JMJD1C: variants seen among roughly 807,000 people sequenced by gnomAD.
The protein encoded by JMJD1C is jumonji domain-containing protein 1C.
Under a neutral mutation model 245.3 loss-of-function variants are expected in JMJD1C, and 31 were observed. The observed-to-expected ratio is 0.13, with a 90% CI of 0.09 to 0.17. The LOEUF is 0.17. Among genes scored for constraint, JMJD1C ranks in the 10% least tolerant of loss-of-function variants. The pLI, the probability that JMJD1C is intolerant of heterozygous loss-of-function variation, is 1.00. For missense variants in JMJD1C, 2,691 were observed against 3,000.2 expected, an observed-to-expected ratio of 0.90 and a Z score of 2.41; for synonymous variants, 1,057 against 1,017.4, an observed-to-expected ratio of 1.04 and a Z score of -0.74.
chr10:63,300,665 T>G (rs1859973408), intron 2 of JMJD1C, among the ~76,000 whole-genome samples: 1 of 151,312 alleles, frequency 6.6e-6, no homozygotes, highest in African/African-American at 2.4e-5. Flanking sequence ...GCCAAGGCGG[T>G]AGATCTCATG....
At chr10:63,317,552 C>CAA (rs1940247146) in intron 2 of JMJD1C, among the ~76,000 whole-genome samples, 1 of 152,128 alleles carries the variant, frequency 6.6e-6, no homozygotes. Flanking sequence ...CACACACACA[C>CAA]AATCATTCCC....
chr10:63,292,144 A>AGTTTTTTTTTTTTTTTTTTTT (rs1858835101), intron 2 of JMJD1C, among the ~76,000 whole-genome samples: 1 of 56,326 alleles, frequency 1.8e-5, no homozygotes, highest in East Asian at 5.7e-4. Flanking sequence ...GTAGAGACAG[A>AGTTTTTTTTTTTTTTTTTTTT]TTTTTTTTTT....
intron 2 of JMJD1C, among the ~76,000 whole-genome samples, chr10:63,339,443 C>T (rs1450731027): frequency 6.6e-6 from 1 of 152,086 alleles, no homozygotes; most frequent in Non-Finnish European, 1.5e-5. Flanking sequence ...ACATTGCAGG[C>T]TGAGATAATG....
intron 1 of JMJD1C, among the ~76,000 whole-genome samples, chr10:63,493,534 G>A (rs1954249259): frequency 1.3e-5 from 2 of 151,938 alleles, no homozygotes; most frequent in Non-Finnish European, 2.9e-5. Context: ...CGCCTGACTT[G>A]GCCTCCCAAA....
intron 2 of JMJD1C, among the ~76,000 whole-genome samples, chr10:63,348,840 C>T (rs1191974435): frequency 6.6e-6 from 1 of 152,080 alleles, no homozygotes; most frequent in Non-Finnish European, 1.5e-5. Flanking sequence ...GTGGCTCATG[C>T]CTGTAATCCC....
At chr10:63,230,142 G>A (rs1244147635) in intron 3 of JMJD1C, among the ~76,000 whole-genome samples, 1 of 152,208 alleles carries the variant, frequency 6.6e-6, no homozygotes, top group African/African-American at 2.4e-5. Flanking sequence ...GGAGGCTGAG[G>A]TGGGCAGATC....
rs869122892 is a variant in JMJD1C, at chr10:63,247,109, AAC to A, written c.447+17540_447+17541del. On this transcript the variant is annotated intron_variant, in intron 3 of 25. Transcript: ENST00000399262. ...AACGGAAATAAACTGAGACAAAAAA[AAC>A]AAAAACAAAAACAAAAAAACAAAAA... Among the ~76,000 whole-genome samples, 508 of 139,264 alleles carry A rather than the reference AAC, an allele frequency of 3.6e-3. 5 individuals carry two copies. Among genetic ancestry groups the A allele is most frequent in the African/African-American group, 8.4e-3 (336 of 39,810 alleles). 91.4% of individuals were successfully genotyped at this position (139,264 alleles called of 152,430 possible).
In JMJD1C at chr10:63,207,093, T is replaced by C. The variant is rs1177783876; in HGVS notation, c.4576A>G (p.Thr1526Ala). ...LPLDSTVICS[T>A]INKANSVGNG... ...CCTACAGAGTTTGCTTTGTTAATTG[T>C]ACTACAGATTACAGTGCTATCCAGA... is the stretch of plus-strand genomic sequence containing the variant. Residue 1526 changes from threonine (T) to alanine (A), a missense_variant, in exon 10 of 26, where the codon ACA (threonine) becomes GCA (alanine). Thr to Ala is a moderately conservative substitution (Grantham distance 58). This residue lies in a region of JMJD1C where 1,562 missense variants were observed against 1,490.7 expected (regional missense o/e 1.05). Transcript: ENST00000399262. 1.9e-6 allele frequency: 3 copies of C among 1,614,134 alleles called. No individual in the cohort carries two copies. Among genetic ancestry groups the C allele is most frequent in the African/African-American group, 1.3e-5 (1 of 74,938 alleles).
rs189901151 is a variant in JMJD1C, at chr10:63,172,046, A to T, written c.7402-3480T>A. Among the ~76,000 whole-genome samples, 3 of 152,374 alleles carry T rather than the reference A, an allele frequency of 2.0e-5. No individual in the cohort carries two copies. In the East Asian group the frequency reaches 5.8e-4, roughly 29 times the overall value. On this transcript the variant is annotated intron_variant, in intron 24 of 25. Coordinates refer to ENST00000399262, the MANE Select transcript of JMJD1C (RefSeq NM_032776.3). Reference sequence around the variant, plus strand: ...GTCATTACACCCCACAGGAGAGGAAAGGTAGCAATTCCCTTTTGTACAGCT... The same window carrying T: ...GTCATTACACCCCACAGGAGAGGAATGGTAGCAATTCCCTTTTGTACAGCT...
At chr10:63,413,710 T>G (rs1219431947) in intron 1 of JMJD1C, among the ~76,000 whole-genome samples, 3 of 151,700 alleles carry the variant, frequency 2.0e-5, no homozygotes, top group Admixed American at 6.6e-5. Flanking sequence ...AAAGCAAATA[T>G]TTTAACTTTA....
upstream of JMJD1C, chr10:63,466,038 C>G (rs1255293861): frequency 4.2e-6 from 1 of 237,980 alleles, no homozygotes; most frequent in Non-Finnish European, 8.1e-6. Context: ...CCGGCGCGGG[C>G]GGGGCAGCAG....
chr10:63,184,880 T>G (rs1459643263), intron 20 of JMJD1C, 142 bp from the exon 21 acceptor site: 2 of 711,854 alleles, frequency 2.8e-6, no homozygotes, highest in Admixed American at 6.1e-5. Flanking sequence ...CAAGTGATAC[T>G]GACTAAAATA....
intron 2 of JMJD1C, among the ~76,000 whole-genome samples, chr10:63,378,146 A>C (rs1316934789): frequency 6.6e-6 from 1 of 151,962 alleles, no homozygotes; most frequent in Non-Finnish European, 1.5e-5. Flanking sequence ...AAGTAGGCCT[A>C]ATTTCAAGGC....
intron 3 of JMJD1C, among the ~76,000 whole-genome samples, chr10:63,253,961 A>G (rs948662600): frequency 6.6e-6 from 1 of 152,192 alleles, no homozygotes; most frequent in Non-Finnish European, 1.5e-5. Flanking sequence ...AGTTCTGAAC[A>G]TAACAAACCT....
intron 2 of JMJD1C, among the ~76,000 whole-genome samples, chr10:63,367,935 C>T (rs1179123704): frequency 2.0e-5 from 3 of 152,154 alleles, no homozygotes; most frequent in East Asian, 1.9e-4. Flanking sequence ...ATATTTATTA[C>T]GTCTGACTGG....
At chr10:63,291,065 G>C (rs1858617084) in intron 2 of JMJD1C, among the ~76,000 whole-genome samples, 1 of 152,046 alleles carries the variant, frequency 6.6e-6, no homozygotes, top group African/African-American at 2.4e-5. Context: ...CCAGCACTTT[G>C]AGAGGCCGAG....
intron 2 of JMJD1C, among the ~76,000 whole-genome samples, chr10:63,271,458 G>T (rs191118020): frequency 6.6e-6 from 1 of 152,042 alleles, no homozygotes; most frequent in Non-Finnish European, 1.5e-5. Flanking sequence ...GATTACAGGC[G>T]TGAGCCACCA....
At chr10:63,507,228 C>T (rs556521564) in intron 1 of JMJD1C, among the ~76,000 whole-genome samples, 4 of 152,240 alleles carry the variant, frequency 2.6e-5, no homozygotes, top group African/African-American at 7.2e-5. Context: ...TAAACATTTG[C>T]GTGCAGGTTT....
intron 1 of JMJD1C, among the ~76,000 whole-genome samples, chr10:63,417,239 T>A (rs1191453983): frequency 6.6e-6 from 1 of 152,160 alleles, no homozygotes; most frequent in Non-Finnish European, 1.5e-5. Context: ...GAATTGGAAG[T>A]TAAATATGTT....
Sources: allele counts gnomAD v4.1 joint callset (sites outside exome capture counted in the v4.1 genomes callset), GRCh38; gene constraint gnomAD v4.1.1; regional missense constraint gnomAD v4.1.1; transcripts MANE v1.5; gene names NCBI Gene and HGNC (gene_info 2026-07-23, HGNC 2026-07-21).